The following TRPC5 variants were observed in gnomAD, a reference collection of about 807,000 sequenced individuals.
TRPC5 encodes short transient receptor potential channel 5.
Under a neutral mutation model 56.5 loss-of-function variants are expected in TRPC5, and 9 were observed. The ratio of observed to expected loss-of-function variants is 0.16; its 90% CI spans 0.10 to 0.28. TRPC5 has a LOEUF of 0.28. TRPC5 is among the 10% of genes least tolerant of loss of function. TRPC5 has a pLI of 1.00. For missense variants in TRPC5, 469 were observed against 748.9 expected (o/e 0.63, Z 4.36); for synonymous variants, 282 against 278.5 (o/e 1.01, Z -0.13).
chrX:111,934,925 T>C (rs757145461), intron 2 of TRPC5, among the ~76,000 whole-genome samples: 1 of 112,562 alleles, frequency 8.9e-6, no homozygotes, highest in Non-Finnish European at 1.9e-5. Flanking sequence ...AATGCTGCAA[T>C]AAATATGGAA....
chrX:111,952,157 T>C lies in TRPC5; in HGVS notation c.264A>G (p.Leu88=). The C allele has an allele frequency of 8.2e-7, 1 of 1,212,314 alleles. No individual in the cohort carries two copies. Among genetic ancestry groups the C allele is most frequent in the Non-Finnish European group, 1.1e-6 (1 of 895,643 alleles). ...CCACATACACGCTGTGGTTCAGCAG[T>C]AGCTCCATGATCTCCAGGTTCTCGT... ...IENENLEIME[L]LLNHSVYVGD... Residue 88 remains leucine (L), a synonymous_variant, in exon 2 of 11, where the codon CTA becomes CTG. Coordinates refer to ENST00000262839, the MANE Select transcript of TRPC5 (RefSeq NM_012471.3).
chrX:112,009,121 T>G (rs1333643066), intron 1 of TRPC5, among the ~76,000 whole-genome samples: 1 of 111,885 alleles, frequency 8.9e-6, no homozygotes, highest in African/African-American at 3.2e-5. Flanking sequence ...AGGACAAGTG[T>G]GAGTTTGGAC....
chrX:111,936,920 A>G (rs1420328838), intron 2 of TRPC5, among the ~76,000 whole-genome samples: 1 of 103,418 alleles, frequency 9.7e-6, no homozygotes, highest in Non-Finnish European at 2.0e-5. Flanking sequence ...GAATCACCAC[A>G]CTGACTTCCA....
intron 2 of TRPC5, among the ~76,000 whole-genome samples, chrX:111,941,185 T>A (rs1926768110): frequency 8.9e-6 from 1 of 112,097 alleles, no homozygotes; most frequent in Non-Finnish European, 1.9e-5. Context: ...TGTGCCTGTC[T>A]CTGGTCTTTT....
chrX:111,860,610 A>G (rs1923378727), intron 3 of TRPC5, among the ~76,000 whole-genome samples: 1 of 112,237 alleles, frequency 8.9e-6, no homozygotes, highest in Non-Finnish European at 1.9e-5. Context: ...CAGTTTGGAT[A>G]CAGTTAGAAA....
At chrX:112,078,981 G>A (rs1481255149) in intron 1 of TRPC5, among the ~76,000 whole-genome samples, 1 of 111,719 alleles carries the variant, frequency 9.0e-6, no homozygotes, top group Non-Finnish European at 1.9e-5. Flanking sequence ...GTGGGATGAG[G>A]AATAACTTCT....
intron 1 of TRPC5, among the ~76,000 whole-genome samples, chrX:111,996,079 A>G (rs1271003050): frequency 1.6e-3 from 171 of 107,140 alleles, no homozygotes; most frequent in African/African-American, 5.2e-3. Context: ...TGATGTTAGG[A>G]TGTCCATTTT....
chrX:111,994,515 C>G (rs923664577), intron 1 of TRPC5, among the ~76,000 whole-genome samples: 11 of 111,653 alleles, frequency 9.9e-5, no homozygotes, highest in African/African-American at 3.3e-4. Flanking sequence ...TTTCATGATA[C>G]TGATTCTTCC....
chrX:111,964,088 C>T (rs1298398798), intron 1 of TRPC5, among the ~76,000 whole-genome samples: 22 of 111,296 alleles, frequency 2.0e-4, no homozygotes, highest in African/African-American at 5.9e-4. Flanking sequence ...AAAAATTAGA[C>T]GAATGGATAC....
chrX:111,965,800 G>T (rs1207695523), intron 1 of TRPC5, among the ~76,000 whole-genome samples: 2 of 111,428 alleles, frequency 1.8e-5, no homozygotes, highest in Admixed American at 9.6e-5. Flanking sequence ...CAACATACCA[G>T]AATCTCTGGG....
chrX:111,802,350 T>A (rs963002521), intron 7 of TRPC5, among the ~76,000 whole-genome samples: 1 of 111,366 alleles, frequency 9.0e-6, no homozygotes, highest in Non-Finnish European at 1.9e-5. Context: ...TTCTTTGGGG[T>A]CTCTTATATT....
chrX:111,835,439 A>G (rs1236772425), intron 6 of TRPC5, among the ~76,000 whole-genome samples: 2 of 112,269 alleles, frequency 1.8e-5, no homozygotes, highest in East Asian at 2.8e-4. Context: ...TCTTCAGACC[A>G]TGTTATTTTT....
chrX:112,076,387 AGAAAATTGAGCAG>A (rs1390141851), intron 1 of TRPC5, among the ~76,000 whole-genome samples: 2 of 111,452 alleles, frequency 1.8e-5, no homozygotes, highest in African/African-American at 6.5e-5. Context: ...TTTACTGGTG[AGAAAATTGAGCAG>A]GTAGGTAGCA....
At chrX:111,895,969 G>A (rs1399362134) in intron 3 of TRPC5, 1 of 111,225 alleles carries the variant, frequency 9.0e-6, no homozygotes, top group East Asian at 2.8e-4. Context: ...TTAAGGTGGA[G>A]ACCGGTGGCC....
At chrX:112,020,265 G>A (rs1476099223) in intron 1 of TRPC5, among the ~76,000 whole-genome samples, 1 of 112,043 alleles carries the variant, frequency 8.9e-6, no homozygotes, top group Non-Finnish European at 1.9e-5. Context: ...TAAACCAATT[G>A]TTTAAGAGGT....
At chrX:111,806,403 G>T (rs961702350) in intron 7 of TRPC5, among the ~76,000 whole-genome samples, 2 of 111,915 alleles carry the variant, frequency 1.8e-5, no homozygotes, top group African/African-American at 6.5e-5. Flanking sequence ...TCACTTACAT[G>T]GTTGTTGGCA....
At chrX:112,064,125 G>C (rs1415088992) in intron 1 of TRPC5, among the ~76,000 whole-genome samples, 1 of 111,888 alleles carries the variant, frequency 8.9e-6, no homozygotes, top group Non-Finnish European at 1.9e-5. Context: ...TTTTTAATTG[G>C]AACAATGAAG....
chrX:111,874,751 C>T (rs1923868846), intron 3 of TRPC5, among the ~76,000 whole-genome samples: 2 of 112,560 alleles, frequency 1.8e-5, no homozygotes, highest in Admixed American at 1.9e-4. Context: ...AAACTATAGC[C>T]TCTGGGCTAA....
At chrX:112,076,525 A>C (rs1930838619) in intron 1 of TRPC5, among the ~76,000 whole-genome samples, 1 of 111,436 alleles carries the variant, frequency 9.0e-6, no homozygotes, top group Non-Finnish European at 1.9e-5. Flanking sequence ...TACGAAGTAG[A>C]GGTTATTATT....
Sources: allele counts gnomAD v4.1 joint callset (sites outside exome capture counted in the v4.1 genomes callset), GRCh38; gene constraint gnomAD v4.1.1; transcripts MANE v1.5; gene names NCBI Gene and HGNC (gene_info 2026-07-23, HGNC 2026-07-21).